RBFOX1: variants seen among roughly 807,000 people sequenced by gnomAD.
RBFOX1 encodes the protein RNA binding protein fox-1 homolog 1.
In RBFOX1, 8 loss-of-function variants were observed where a neutral mutation model predicts 57.7. The ratio of observed to expected loss-of-function variants is 0.14; its 90% CI spans 0.08 to 0.25. RBFOX1 has a LOEUF of 0.25. RBFOX1 is among the 10% of genes least tolerant of loss of function. RBFOX1 has a pLI of 1.00. For missense variants in RBFOX1, 611 were observed against 548.5 expected, an observed-to-expected ratio of 1.11 and a Z score of -1.14; for synonymous variants, 326 against 222.4, an observed-to-expected ratio of 1.47 and a Z score of -4.15.
chr16:7,474,318 A>T (rs527790215), intron 4 of RBFOX1, among the ~76,000 whole-genome samples: 1 of 152,222 alleles, frequency 6.6e-6, no homozygotes, highest in Admixed American at 6.5e-5. Context: ...AACAAAAAGC[A>T]GCCCCCCATC....
intron 1 of RBFOX1, chr16:5,366,212 G>A: frequency 4.8e-6 from 2 of 413,700 alleles, no homozygotes; most frequent in Non-Finnish European, 9.3e-6. Context: ...TATCTGGGAA[G>A]CAGGCTGCCC....
intron 4 of RBFOX1, among the ~76,000 whole-genome samples, chr16:7,503,280 T>G (rs574024343): frequency 6.6e-6 from 1 of 152,096 alleles, no homozygotes; most frequent in Non-Finnish European, 1.5e-5. Context: ...CACGGCAGAG[T>G]TGCTGTCTCT....
intron 4 of RBFOX1, among the ~76,000 whole-genome samples, chr16:5,873,889 G>A (rs1462606569): frequency 6.6e-6 from 1 of 152,006 alleles, no homozygotes; most frequent in Non-Finnish European, 1.5e-5. Context: ...GTTGTCATCA[G>A]GTAAAGAAAA....
At chr16:6,773,970 C>T in intron 3 of RBFOX1, 2 of 985,274 alleles carry the variant, frequency 2.0e-6, no homozygotes, top group Non-Finnish European at 2.4e-6. Context: ...TCTCATGGTC[C>T]TCCCGTTTTC....
At chr16:7,205,677 A>G (rs534586506) in intron 4 of RBFOX1, among the ~76,000 whole-genome samples, 2 of 152,338 alleles carry the variant, frequency 1.3e-5, no homozygotes, top group African/African-American at 4.8e-5. Context: ...GGTCATTAAT[A>G]ACATTGACGT....
At chr16:6,421,130 TG>T (rs2093760356) in intron 2 of RBFOX1, among the ~76,000 whole-genome samples, 1 of 152,218 alleles carries the variant, frequency 6.6e-6, no homozygotes, top group Admixed American at 6.5e-5. Context: ...AAATGAACCG[TG>T]GTGTAAACAA....
intron 14 of RBFOX1, among the ~76,000 whole-genome samples, chr16:7,696,682 C>A (rs560284945): frequency 1.4e-3 from 213 of 152,054 alleles, no homozygotes; most frequent in African/African-American, 4.7e-3. Context: ...TCCCAAAGCA[C>A]GTATATGAAT....
intron 3 of RBFOX1, among the ~76,000 whole-genome samples, chr16:6,930,939 A>G (rs894994936): frequency 4.0e-5 from 6 of 151,866 alleles, no homozygotes; most frequent in African/African-American, 1.2e-4. Flanking sequence ...ATATTCATAT[A>G]TATATATATA....
intron 3 of RBFOX1, among the ~76,000 whole-genome samples, chr16:5,691,764 C>T (rs2050686791): frequency 6.6e-6 from 1 of 151,996 alleles, no homozygotes; most frequent in African/African-American, 2.4e-5. Context: ...ATCCTGTAAA[C>T]ATTATCTTTT....
At chr16:5,635,030 C>G (rs1448434097) in intron 3 of RBFOX1, among the ~76,000 whole-genome samples, 1 of 152,126 alleles carries the variant, frequency 6.6e-6, no homozygotes, top group African/African-American at 2.4e-5. Flanking sequence ...CAGGCAGTCT[C>G]AGAGTCTATT....
At chr16:6,272,924 C>G (rs911306997) in intron 1 of RBFOX1, among the ~76,000 whole-genome samples, 3 of 152,074 alleles carry the variant, frequency 2.0e-5, no homozygotes, top group African/African-American at 7.2e-5. Flanking sequence ...CAAAATGGAT[C>G]ATTAACTTTG....
At chr16:6,962,909 G>C (rs1598486893) in intron 3 of RBFOX1, among the ~76,000 whole-genome samples, 2 of 151,752 alleles carry the variant, frequency 1.3e-5, no homozygotes, top group African/African-American at 2.4e-5. Context: ...CTTGGGATGG[G>C]GTGATTTGGG....
intron 4 of RBFOX1, among the ~76,000 whole-genome samples, chr16:5,973,380 T>C (rs552455452): frequency 2.1e-4 from 32 of 152,346 alleles, no homozygotes; most frequent in African/African-American, 7.5e-4. Flanking sequence ...TTTCTGACAT[T>C]GTTTCCTTCA....
intron 3 of RBFOX1, among the ~76,000 whole-genome samples, chr16:6,923,345 C>T (rs889366465): frequency 1.1e-4 from 16 of 152,172 alleles, no homozygotes; most frequent in African/African-American, 3.9e-4. Flanking sequence ...ACCAGCCTGG[C>T]CAACATGGTG....
chr16:5,724,366 G>T (rs74006234), intron 3 of RBFOX1, among the ~76,000 whole-genome samples: 2 of 152,084 alleles, frequency 1.3e-5, no homozygotes, highest in African/African-American at 4.8e-5. Flanking sequence ...CTGGGGCTCT[G>T]TGAGAGCATT....
At chr16:6,799,218 G>A (rs570264479) in intron 3 of RBFOX1, among the ~76,000 whole-genome samples, 12 of 152,210 alleles carry the variant, frequency 7.9e-5, no homozygotes, top group African/African-American at 2.2e-4. Flanking sequence ...AGGGGAAACC[G>A]TGCACAGCAA....
intron 3 of RBFOX1, among the ~76,000 whole-genome samples, chr16:5,793,646 C>G (rs1448121197): frequency 1.3e-5 from 2 of 152,218 alleles, no homozygotes; most frequent in Non-Finnish European, 2.9e-5. Flanking sequence ...CAGTGAGGAA[C>G]CCGGTACTTG....
intron 4 of RBFOX1, among the ~76,000 whole-genome samples, chr16:6,010,024 G>A (rs942602318): frequency 2.0e-5 from 3 of 152,088 alleles, no homozygotes; most frequent in Middle Eastern, 3.2e-3. Context: ...AGAGATACTG[G>A]GGTTTTTCTT....
At chr16:5,921,115 G>T (rs920347819) in intron 4 of RBFOX1, among the ~76,000 whole-genome samples, 7 of 152,150 alleles carry the variant, frequency 4.6e-5, no homozygotes, top group Non-Finnish European at 7.4e-5. Flanking sequence ...CTGATCTCCT[G>T]TTAGGATATA....
Sources: gnomAD v4.1 joint callset for allele counts (sites outside exome capture counted in the v4.1 genomes callset) on GRCh38, gnomAD v4.1.1 for gene constraint, MANE v1.5 for transcripts, NCBI Gene and HGNC (gene_info 2026-07-23, HGNC 2026-07-21) for gene names.